The following EZH2 variants were observed in gnomAD, a reference collection of about 807,000 sequenced individuals.
The protein encoded by EZH2 is histone-lysine N-methyltransferase EZH2.
EZH2 carries 18 observed loss-of-function variants against 98.4 expected under a neutral mutation model. The observed-to-expected ratio is 0.18, with a 90% CI of 0.13 to 0.27. The LOEUF (loss-of-function observed/expected upper bound fraction) is 0.27, where lower values mean the gene tolerates loss of function less well. Ranked by LOEUF, EZH2 falls within the 10% of genes least tolerant of loss-of-function variation. The probability of loss-of-function intolerance (pLI) is 1.00; values close to 1 mark genes in which losing one functional copy is unlikely to be tolerated. For missense variants in EZH2, 470 were observed against 935.1 expected, an observed-to-expected ratio of 0.50 and a Z score of 6.49; for synonymous variants, 338 against 312.3, an observed-to-expected ratio of 1.08 and a Z score of -0.87.
chr7:148,830,332 C>A (rs923267975), intron 4 of EZH2, among the ~76,000 whole-genome samples: 7 of 152,236 alleles, frequency 4.6e-5, no homozygotes, highest in Admixed American at 1.3e-4. Context: ...GCCCAGCCAT[C>A]ATCAGTTTTA....
chr7:148,881,970 GCGCA>G (rs1352008687), intron 1 of EZH2, among the ~76,000 whole-genome samples: 76 of 47,576 alleles, frequency 1.6e-3, no homozygotes, highest in African/African-American at 6.9e-3. Flanking sequence ...ACACACGCGC[GCGCA>G]CACACACACA....
intron 1 of EZH2, among the ~76,000 whole-genome samples, chr7:148,849,054 A>C (rs1814972449): frequency 1.3e-5 from 2 of 152,198 alleles, no homozygotes; most frequent in African/African-American, 4.8e-5. Flanking sequence ...ATTGTTTAGA[A>C]AATAATGACA....
At chr7:148,843,068 C>T (rs1812884222) in intron 3 of EZH2, among the ~76,000 whole-genome samples, 1 of 151,876 alleles carries the variant, frequency 6.6e-6, no homozygotes, top group Non-Finnish European at 1.5e-5. Flanking sequence ...ACTAGCCGGG[C>T]GTGGTGGCAT....
At chr7:148,861,167 A>G (rs1241714801) in intron 1 of EZH2, among the ~76,000 whole-genome samples, 5 of 151,914 alleles carry the variant, frequency 3.3e-5, no homozygotes, top group Non-Finnish European at 1.5e-5. Flanking sequence ...TAGATTACTT[A>G]TGATCATCTA....
intron 3 of EZH2, among the ~76,000 whole-genome samples, chr7:148,835,226 C>T (rs778499856): frequency 1.4e-4 from 22 of 152,144 alleles, no homozygotes; most frequent in Non-Finnish European, 2.6e-4. Context: ...TCAAGACCAG[C>T]CTGGGCAACA....
At chr7:148,815,477 A>C in intron 13 of EZH2, 29 bp downstream of exon 13, 2 of 1,602,396 alleles carry the variant, frequency 1.2e-6, no homozygotes, top group East Asian at 2.2e-5. Context: ...TTGTTAAGCT[A>C]ATAATGAGAG....
chr7:148,848,972 C>T (rs963319700), intron 1 of EZH2, among the ~76,000 whole-genome samples: 14 of 152,012 alleles, frequency 9.2e-5, no homozygotes, highest in Non-Finnish European at 1.8e-4. Context: ...CTCCCATATA[C>T]TTTAAATCAC....
intron 1 of EZH2, among the ~76,000 whole-genome samples, chr7:148,863,942 G>A (rs749708647): frequency 6.6e-6 from 1 of 152,222 alleles, no homozygotes; most frequent in East Asian, 1.9e-4. Flanking sequence ...TGAAAGTACA[G>A]ATGAGAAAGC....
At chr7:148,812,582 G>A (rs114073112) in intron 15 of EZH2, among the ~76,000 whole-genome samples, 4 of 152,112 alleles carry the variant, frequency 2.6e-5, no homozygotes, top group Non-Finnish European at 5.9e-5. Context: ...CTGGTAAAAG[G>A]TATCTACATA....
At chr7:148,848,350 A>T (rs1814754451) in intron 1 of EZH2, among the ~76,000 whole-genome samples, 1 of 152,216 alleles carries the variant, frequency 6.6e-6, no homozygotes, top group Non-Finnish European at 1.5e-5. Context: ...GATGACAGGG[A>T]AAAGTACGTG....
intron 1 of EZH2, among the ~76,000 whole-genome samples, chr7:148,871,466 C>T (rs1367956163): frequency 1.4e-5 from 2 of 144,344 alleles, no homozygotes; most frequent in Non-Finnish European, 3.0e-5. Context: ...CACCTGTATA[C>T]ATCCAAATTC....
At chr7:148,815,062 A>T (rs1804175781) in intron 13 of EZH2, 23 bp from the exon 14 acceptor site, 1 of 1,610,168 alleles carries the variant, frequency 6.2e-7, no homozygotes. Flanking sequence ...AACATCATGC[A>T]GGCCAATGAA....
At chr7:148,808,130 C>T (rs1459180886) in intron 19 of EZH2, among the ~76,000 whole-genome samples, 1 of 152,216 alleles carries the variant, frequency 6.6e-6, no homozygotes, top group African/African-American at 2.4e-5. Context: ...GCCAGTTGCT[C>T]CCCCAGGTGA....
At chr7:148,843,778 G>C (rs1402123066) in intron 3 of EZH2, among the ~76,000 whole-genome samples, 1 of 151,466 alleles carries the variant, frequency 6.6e-6, no homozygotes, top group Non-Finnish European at 1.5e-5. Flanking sequence ...TGTATTTTTA[G>C]TAGAGACGGG....
At chr7:148,818,795 G>A (rs1805258796) in intron 9 of EZH2, among the ~76,000 whole-genome samples, 1 of 152,078 alleles carries the variant, frequency 6.6e-6, no homozygotes, top group Non-Finnish European at 1.5e-5. Flanking sequence ...GTAAGAGCAT[G>A]GTTTATAGAG....
intron 1 of EZH2, among the ~76,000 whole-genome samples, chr7:148,873,411 G>T: frequency 6.7e-6 from 1 of 148,396 alleles, no homozygotes; most frequent in Non-Finnish European, 1.5e-5. Flanking sequence ...AGAATCACTG[G>T]AACCTGGGAG....
At chr7:148,817,171 TTA>T in intron 11 of EZH2, 49 bp downstream of exon 11, 1 of 1,545,444 alleles carries the variant, frequency 6.5e-7, no homozygotes. Context: ...GAGTACAGTT[TTA>T]TCTCTATGTT....
Position 148,846,602 on chromosome 7 carries a change from A to T in EZH2, c.118-4T>A, listed in dbSNP as rs758924977. On this transcript the variant is annotated splice_polypyrimidine_tract_variant and splice_region_variant and intron_variant, in intron 2 of 19. Coordinates refer to ENST00000320356, the MANE Select transcript of EZH2 (RefSeq NM_004456.5). ...GACGATTGGAACTAAACATACTCTT[A>T]AAAAAAAAAATGAAGGAGAGGAAAG... The T allele has an allele frequency of 5.5e-5, 5 of 90,734 alleles. No homozygotes were observed. The highest frequency in any genetic ancestry group is 4.2e-4 in the Admixed American group (1 of 2,358). 5.6% of individuals were successfully genotyped at this position (90,734 alleles called of 1,614,324 possible).
intron 1 of EZH2, among the ~76,000 whole-genome samples, chr7:148,849,588 C>A (rs961919070): frequency 6.6e-6 from 1 of 152,160 alleles, no homozygotes; most frequent in Non-Finnish European, 1.5e-5. Context: ...TGGAATAAAG[C>A]TGACAGTCAC....
Sources: allele counts gnomAD v4.1 joint callset (sites outside exome capture counted in the v4.1 genomes callset), GRCh38; gene constraint gnomAD v4.1.1; transcripts MANE v1.5; gene names NCBI Gene and HGNC (gene_info 2026-07-23, HGNC 2026-07-21).